The following MOB1A variants were observed in gnomAD, a reference collection of about 807,000 sequenced individuals.
MOB1A encodes MOB kinase activator 1A, also known as MOB1 Mps One Binder homolog A.
Under a neutral mutation model 25.1 loss-of-function variants are expected in MOB1A, and 10 were observed. That is an observed-to-expected ratio of 0.40 (90% CI 0.25 to 0.68). The LOEUF is 0.68. MOB1A is among the 30% of genes least tolerant of loss of function. The pLI, the probability that MOB1A is intolerant of heterozygous loss-of-function variation, is 0.40. For missense variants in MOB1A, 177 were observed against 256.3 expected, an observed-to-expected ratio of 0.69 and a Z score of 2.11; for synonymous variants, 81 against 79.5, an observed-to-expected ratio of 1.02 and a Z score of -0.10.
At chr2:74,178,608 TCCCCCACAACCTCGGCCCGCAGGCCCGG>T (rs1239356728) in intron 1 of MOB1A, 25 bp downstream of exon 1, 23 of 1,326,070 alleles carry the variant, frequency 1.7e-5, no homozygotes, top group Non-Finnish European at 2.2e-5. Context: ...CGGGGAGGCC[TCCCCCACAACCTCGGCCCGCAGGCCCGG>T]CGCCCGCGGC....
Position 74,156,403 on chromosome 2 carries a change from A to G in MOB1A, c.*165T>C. 1.5e-6 allele frequency: 1 copy of G among 651,850 alleles called. No homozygotes were observed. Among genetic ancestry groups the G allele is most frequent in the Non-Finnish European group, 2.7e-6 (1 of 369,940 alleles). 40.4% of individuals were successfully genotyped at this position (651,850 alleles called of 1,614,324 possible). On this transcript the variant is annotated 3_prime_UTR_variant, in exon 6 of 6. Coordinates refer to ENST00000396049, the MANE Select transcript of MOB1A (RefSeq NM_018221.5). ...GTCCTTAAGGTCTTACTCGGAAACTATCACACCAACCTACCTTTGGGATAA... is the reference window on the plus strand; with the variant it reads ...GTCCTTAAGGTCTTACTCGGAAACTGTCACACCAACCTACCTTTGGGATAA...
In MOB1A at chr2:74,155,706, AAAT is replaced by A. The variant is rs1309920133; in HGVS notation, c.*859_*861del. 13 of 152,588 alleles carry A rather than the reference AAAT, an allele frequency of 8.5e-5. No individual in the cohort carries two copies. The highest frequency in any genetic ancestry group is 7.9e-4 in the Admixed American group (12 of 15,282). 9.5% of individuals were successfully genotyped at this position (152,588 alleles called of 1,614,324 possible). On this transcript the variant is annotated 3_prime_UTR_variant, in exon 6 of 6. Transcript: ENST00000396049. Reference sequence around the variant, plus strand: ...ATTTTAAGGCCTCTGAAAAATAATGAAATAATAAAAATAGTGGTTTTGAGATCT... The same window carrying A: ...ATTTTAAGGCCTCTGAAAAATAATGAAATAAAAATAGTGGTTTTGAGATCT...
chr2:74,166,490 G>A (rs916841954), intron 3 of MOB1A, among the ~76,000 whole-genome samples: 1 of 152,100 alleles, frequency 6.6e-6, no homozygotes, highest in Non-Finnish European at 1.5e-5. Flanking sequence ...TTACTATGAT[G>A]CAACATAAAA....
chr2:74,152,573 T>C lies in MOB1A; in HGVS notation c.*3995A>G, dbSNP rs758901839. On this transcript the variant is annotated 3_prime_UTR_variant, in exon 6 of 6. Coordinates refer to ENST00000396049, the MANE Select transcript of MOB1A (RefSeq NM_018221.5). ...ATATTTAAATAGAAATGTGTGTTGA[T>C]ATACATACTTTAATCAGTCATTTCT... The C allele has an allele frequency of 7.9e-5, 12 of 152,252 alleles. No homozygotes were observed. The highest frequency in any genetic ancestry group is 6.5e-5 in the Admixed American group (1 of 15,282). 9.4% of individuals were successfully genotyped at this position (152,252 alleles called of 1,614,324 possible).
chr2:74,172,011 A>G (rs1316860015), intron 2 of MOB1A, among the ~76,000 whole-genome samples: 1 of 152,220 alleles, frequency 6.6e-6, no homozygotes, highest in Non-Finnish European at 1.5e-5. Context: ...CCCAGAAATG[A>G]TATCATCTCA....
chr2:74,159,092 T>C lies in MOB1A; in HGVS notation c.572A>G (p.Gln191Arg). 1 of 1,613,592 alleles carries C rather than the reference T, an allele frequency of 6.2e-7. No individual in the cohort carries two copies. The highest frequency in any genetic ancestry group is 8.5e-7 in the Non-Finnish European group (1 of 1,179,780). The change falls in exon 5 of 6, where the codon CAG becomes CGG. Residue 191 changes from glutamine to arginine, a missense_variant and splice_region_variant. Gln to Arg is a conservative substitution (Grantham distance 43, BLOSUM62 1). Transcript: ENST00000396049. ...TSFKHFIFFV[Q>R]EFNLIDRREL... is the part of the protein sequence containing the mutation. ...AGAAATCAACATGGATCAACTTACC[T>C]GAACAAAGAAAATAAAGTGCTTAAA...
rs1416911502 is a variant in MOB1A at position 74,159,098 on chromosome 2, A to G, written c.566T>C (p.Phe189Ser). ...LNTSFKHFIF[F>S]VQEFNLIDRR... ...CAACATGGATCAACTTACCTGAACA[A>G]AGAAAATAAAGTGCTTAAAGGAGGT... is the stretch of plus-strand genomic sequence containing the variant. The change falls in exon 5 of 6, where the codon TTT (phenylalanine) becomes TCT (serine). Residue 189 changes from phenylalanine to serine, a missense_variant. By Grantham distance (155) the Phe-to-Ser change is radical. Coordinates refer to ENST00000396049, the MANE Select transcript of MOB1A (RefSeq NM_018221.5). 6.2e-7 allele frequency: 1 copy of G among 1,613,630 alleles called. No individual in the cohort carries two copies. Among genetic ancestry groups the G allele is most frequent in the African/African-American group, 1.3e-5 (1 of 74,922 alleles).
rs935572687 is a variant in MOB1A at position 74,155,251 on chromosome 2, T to C, written c.*1317A>G. On this transcript the variant is annotated 3_prime_UTR_variant, in exon 6 of 6. Coordinates refer to ENST00000396049, the MANE Select transcript of MOB1A (RefSeq NM_018221.5). ...TCCTAGGAATCAAATAAAAAATAAA[T>C]GTTTTCTTCACTGAAGGGGAAGGCT... The C allele has an allele frequency of 6.5e-6, 1 of 152,738 alleles. No individual in the cohort carries two copies. The highest frequency in any genetic ancestry group is 6.5e-5 in the Admixed American group (1 of 15,298). The allele number at this position is 152,738 out of a possible 1,614,324, so 9.5% of individuals were successfully genotyped here.
intron 5 of MOB1A, among the ~76,000 whole-genome samples, chr2:74,157,659 G>A (rs1448324708): frequency 6.6e-6 from 1 of 152,136 alleles, no homozygotes; most frequent in African/African-American, 2.4e-5. Flanking sequence ...CATTCATCTG[G>A]TGTCCACTGT....
intron 4 of MOB1A, among the ~76,000 whole-genome samples, chr2:74,162,669 A>G (rs1387272813): frequency 6.6e-6 from 1 of 152,242 alleles, no homozygotes; most frequent in East Asian, 1.9e-4. Flanking sequence ...AAAAGGTTTA[A>G]TAGCAGAATG....
Position 74,155,087 on chromosome 2 carries a change from T to A in MOB1A, c.*1481A>T, listed in dbSNP as rs911311506. ...TTATCAAAGCCATCGAGGAGGTTGG[T>A]AAAATACTTTGCAAAAATCACAGCT... is the stretch of plus-strand genomic sequence containing the variant. On this transcript the variant is annotated 3_prime_UTR_variant, in exon 6 of 6. Coordinates refer to ENST00000396049, the MANE Select transcript of MOB1A (RefSeq NM_018221.5). 1 of 152,260 alleles carries A rather than the reference T, an allele frequency of 6.6e-6. No individual in the cohort carries two copies. Among genetic ancestry groups the A allele is most frequent in the Non-Finnish European group, 1.5e-5 (1 of 68,028 alleles). 9.4% of individuals were successfully genotyped at this position (152,260 alleles called of 1,614,324 possible).
intron 2 of MOB1A, among the ~76,000 whole-genome samples, chr2:74,168,600 A>G (rs2103724784): frequency 6.6e-6 from 1 of 152,324 alleles, no homozygotes; most frequent in Non-Finnish European, 1.5e-5. Context: ...CTGTGAGGGT[A>G]CCACTGCAGT....
At chr2:74,158,707 A>AATCACTT (rs1271259225) in intron 5 of MOB1A, among the ~76,000 whole-genome samples, 1 of 148,518 alleles carries the variant, frequency 6.7e-6, no homozygotes, top group African/African-American at 2.5e-5. Context: ...TGAACCCAGG[A>AATCACTT]GGCGGAGGTT....
intron 1 of MOB1A, among the ~76,000 whole-genome samples, chr2:74,177,262 G>A (rs112787597): frequency 1.3e-5 from 2 of 151,850 alleles, no homozygotes; most frequent in Non-Finnish European, 2.9e-5. Context: ...GCAGTGAGCC[G>A]AGACCGTGCC....
chr2:74,178,784 G>T lies in MOB1A; in HGVS notation c.-110C>A. On this transcript the variant is annotated 5_prime_UTR_variant, in exon 1 of 6. Coordinates refer to ENST00000396049, the MANE Select transcript of MOB1A (RefSeq NM_018221.5). ...TTAGCTCACGGGCAGCGGAAGCCGG[G>T]CCGCCGCCGCTCGGAGCCGGGTTTC... 1 of 276,336 alleles carries T rather than the reference G, an allele frequency of 3.6e-6. No homozygotes were observed. Among genetic ancestry groups the T allele is most frequent in the Non-Finnish European group, 6.3e-6 (1 of 159,396 alleles). The allele number at this position is 276,336 out of a possible 1,614,324, so 17.1% of individuals were successfully genotyped here.
At chr2:74,162,964 T>C (rs1376868039) in intron 4 of MOB1A, among the ~76,000 whole-genome samples, 1 of 152,236 alleles carries the variant, frequency 6.6e-6, no homozygotes, top group Non-Finnish European at 1.5e-5. Flanking sequence ...ATAAACTCTA[T>C]AGCCATTCCT....
chr2:74,166,922 A>C (rs1270352765), intron 3 of MOB1A, 92 bp downstream of exon 3: 2 of 922,422 alleles, frequency 2.2e-6, no homozygotes, highest in Non-Finnish European at 3.4e-6. Context: ...ACCTTCACAC[A>C]AACGGATAAC....
chr2:74,165,334 G>T lies in MOB1A; in HGVS notation c.293C>A (p.Ala98Glu). 6.4e-7 allele frequency: 1 copy of T among 1,552,658 alleles called. No individual in the cohort carries two copies. Among genetic ancestry groups the T allele is most frequent in the Non-Finnish European group, 8.7e-7 (1 of 1,151,800 alleles). ...SAGPRYEYHWADGTNIKKPIK... is the reference protein window; with the variant it reads ...SAGPRYEYHWEDGTNIKKPIK... ...TGGCTTTTTAATATTAGTACCATCT[G>T]CCCAGTGATATTCATATCTGAAGAG... Residue 98 changes from alanine to glutamate, a missense_variant, in exon 4 of 6, where the codon GCA (alanine) becomes GAA (glutamate). Ala to Glu is a moderately radical substitution (Grantham distance 107). Transcript: ENST00000396049.
chr2:74,172,796 A>C, intron 1 of MOB1A, 44 bp from the exon 2 acceptor site: 1 of 1,567,072 alleles, frequency 6.4e-7, no homozygotes, highest in South Asian at 1.1e-5. Flanking sequence ...TAAGACTGGA[A>C]GTAGAACAGG....
Sources: allele counts gnomAD v4.1 joint callset (sites outside exome capture counted in the v4.1 genomes callset), GRCh38; gene constraint gnomAD v4.1.1; transcripts MANE v1.5; gene names NCBI Gene and HGNC (gene_info 2026-07-23, HGNC 2026-07-21).